DOCK7: variants seen among roughly 807,000 people sequenced by gnomAD.
DOCK7 encodes dedicator of cytokinesis 7.
A neutral mutation model predicts 271.0 loss-of-function variants in DOCK7; 138 were observed. The observed-to-expected ratio is 0.51, with a 90% CI of 0.44 to 0.59. The LOEUF is 0.59. Among genes scored for constraint, DOCK7 ranks in the 20% least tolerant of loss-of-function variants. The pLI is 0.00. For missense variants in DOCK7, 2,066 were observed against 2,592.4 expected (o/e 0.80, Z 4.41); for synonymous variants, 823 against 876.1 (o/e 0.94, Z 1.07).
At chr1:62,526,621 T>A (rs1162340526) in intron 31 of DOCK7, among the ~76,000 whole-genome samples, 1 of 152,060 alleles carries the variant, frequency 6.6e-6, no homozygotes, top group Admixed American at 6.6e-5. Context: ...GACTTGTACA[T>A]AAATGTTCGT....
chr1:62,527,229 G>C lies in DOCK7; in HGVS notation c.3936+922C>G, dbSNP rs146638793. On this transcript the variant is annotated intron_variant, in intron 31 of 49. Coordinates refer to ENST00000635253, the MANE Select transcript of DOCK7 (RefSeq NM_001367561.1). ...CTGCCTTTAAGAGGGGAAAAGTTCA[G>C]GGGCATAGTAAATATCAAGTGTTTT... 9.9e-5 allele frequency among the ~76,000 whole-genome samples: 15 copies of C among 152,126 alleles called. No individual in the cohort carries two copies. In the East Asian group the frequency reaches 2.9e-3, roughly 29 times the overall value.
chr1:62,502,332 A>AAT (rs1365715572), intron 37 of DOCK7, among the ~76,000 whole-genome samples: 16 of 152,198 alleles, frequency 1.1e-4, no homozygotes, highest in African/African-American at 3.9e-4. Context: ...GACTGAGATC[A>AAT]AGCAATTGAT....
intron 18 of DOCK7, among the ~76,000 whole-genome samples, chr1:62,570,811 T>C (rs576717088): frequency 6.6e-6 from 1 of 152,248 alleles, no homozygotes; most frequent in South Asian, 2.1e-4. Context: ...GGGTGAAGGA[T>C]TCCCTATTTA....
Position 62,508,070 on chromosome 1 carries a change from T to A in DOCK7, c.4380-12A>T. On this transcript the variant is annotated splice_polypyrimidine_tract_variant and intron_variant, in intron 34 of 49. Transcript: ENST00000635253. ...TCTCTGCTCTTGATCTAATACAAAATATTGTAAGAAATTATATTTATCTTT... is the reference window on the plus strand; with the variant it reads ...TCTCTGCTCTTGATCTAATACAAAAAATTGTAAGAAATTATATTTATCTTT... The A allele has an allele frequency of 6.3e-7, 1 of 1,582,888 alleles. No individual in the cohort carries two copies. Among genetic ancestry groups the A allele is most frequent in the South Asian group, 1.2e-5 (1 of 84,484 alleles).
intron 37 of DOCK7, among the ~76,000 whole-genome samples, chr1:62,499,225 A>G (rs1266360697): frequency 2.0e-5 from 3 of 152,234 alleles, no homozygotes; most frequent in Non-Finnish European, 2.9e-5. Flanking sequence ...GTCAAATTTT[A>G]GAGACTTTAT....
At chr1:62,636,687 T>C (rs1222793075) in intron 7 of DOCK7, 84 bp from the exon 8 acceptor site, 2 of 1,186,282 alleles carry the variant, frequency 1.7e-6, no homozygotes, top group Non-Finnish European at 2.4e-6. Flanking sequence ...AACTAAATTA[T>C]CACAATACTT....
At chr1:62,643,561 T>C (rs146246823) in intron 7 of DOCK7, among the ~76,000 whole-genome samples, 10 of 152,366 alleles carry the variant, frequency 6.6e-5, no homozygotes, top group Admixed American at 4.6e-4. Flanking sequence ...TTCTTGGTTT[T>C]GTATTCTCCA....
chr1:62,478,741 A>C (rs570807093), intron 43 of DOCK7: 1 of 152,204 alleles, frequency 6.6e-6, no homozygotes, highest in Non-Finnish European at 1.5e-5. Context: ...TAGAAGAGTT[A>C]CTAAAAATGG....
At chr1:62,497,510 T>A (rs1646657788) in intron 37 of DOCK7, among the ~76,000 whole-genome samples, 1 of 152,182 alleles carries the variant, frequency 6.6e-6, no homozygotes, top group Admixed American at 6.5e-5. Flanking sequence ...GCCAAAAATC[T>A]AGGGGTCACC....
chr1:62,500,243 T>A (rs1363791169), intron 37 of DOCK7, among the ~76,000 whole-genome samples: 3 of 152,042 alleles, frequency 2.0e-5, no homozygotes, highest in African/African-American at 7.2e-5. Context: ...TATGAAGACA[T>A]CTTTAGAATA....
rs1557811266 is a variant in DOCK7 at position 62,618,875 on chromosome 1, A to G, written c.1520-7T>C. ...ATGTCTATCTTGAGCTGAGCTGCAA[A>G]TTATATATTAAAAAACAATGTAAAG... On this transcript the variant is annotated splice_region_variant and splice_polypyrimidine_tract_variant and intron_variant, in intron 13 of 49. Transcript: ENST00000635253. 6.2e-7 allele frequency: 1 copy of G among 1,610,442 alleles called. No homozygotes were observed. The highest frequency in any genetic ancestry group is 1.1e-5 in the South Asian group (1 of 90,644).
At position 62,659,128 on chromosome 1, in the gene DOCK7, T is replaced by C. The variant is rs181094017; in HGVS notation, c.144+3897A>G. On this transcript the variant is annotated intron_variant, in intron 2 of 49. Transcript: ENST00000635253. ...ATATAATAAAAGGTATCTGGAAATA[T>C]TAGGAAGGAAAAAGAAACACAGCAC... 1.8e-3 allele frequency among the ~76,000 whole-genome samples: 272 copies of C among 152,188 alleles called. 2 individuals are homozygous for C. Among genetic ancestry groups the C allele is most frequent in the African/African-American group, 6.0e-3 (248 of 41,534 alleles).
intron 14 of DOCK7, among the ~76,000 whole-genome samples, chr1:62,612,900 T>C (rs1571769351): frequency 6.6e-6 from 1 of 152,190 alleles, no homozygotes; most frequent in Non-Finnish European, 1.5e-5. Flanking sequence ...CTAAGGCCAT[T>C]ACTGGAAATG....
Position 62,539,895 on chromosome 1 carries a change from GA to G in DOCK7, c.3046-4del, listed in dbSNP as rs574290909. 3 of 1,558,734 alleles carry G rather than the reference GA, an allele frequency of 1.9e-6. No individual in the cohort carries two copies. The highest frequency in any genetic ancestry group is 2.6e-6 in the Non-Finnish European group (3 of 1,153,958). Reference sequence around the variant, plus strand: ...AAATGGTGCACCATGCTCTTTACCTGAAAAAAAGATATAAATTATTAATTTC... The same window carrying G: ...AAATGGTGCACCATGCTCTTTACCTGAAAAAAGATATAAATTATTAATTTC... On this transcript the variant is annotated splice_region_variant and splice_polypyrimidine_tract_variant and intron_variant, in intron 25 of 49. Transcript: ENST00000635253.
At chr1:62,687,641 C>T (rs1040734896) in intron 1 of DOCK7, 8 of 152,280 alleles carry the variant, frequency 5.3e-5, no homozygotes, top group East Asian at 1.9e-4. Context: ...CCTGGACGCA[C>T]AAGTCCACTT....
At chr1:62,458,291 A>C (rs1288846865) in intron 48 of DOCK7, 1 of 152,220 alleles carries the variant, frequency 6.6e-6, no homozygotes, top group Non-Finnish European at 1.5e-5. Flanking sequence ...TTAGTTTTTC[A>C]GCTGAATGTT....
At chr1:62,479,593 A>G in intron 43 of DOCK7, 1 of 161,202 alleles carries the variant, frequency 6.2e-6, no homozygotes, top group Non-Finnish European at 1.4e-5. Context: ...AAAAGAACCT[A>G]AGAAAATTAC....
chr1:62,630,307 A>T (rs1280422213), intron 11 of DOCK7, among the ~76,000 whole-genome samples: 3 of 152,160 alleles, frequency 2.0e-5, no homozygotes, highest in Non-Finnish European at 4.4e-5. Flanking sequence ...CATAAACTGC[A>T]TGCTTTTTCA....
chr1:62,597,614 C>T (rs1649450548), intron 14 of DOCK7: 3 of 1,612,856 alleles, frequency 1.9e-6, no homozygotes, highest in Admixed American at 1.7e-5. Flanking sequence ...TAGTTATTTC[C>T]TCCAGAATTG....
Sources: allele counts gnomAD v4.1 joint callset (sites outside exome capture counted in the v4.1 genomes callset), GRCh38; gene constraint gnomAD v4.1.1; transcripts MANE v1.5; gene names NCBI Gene and HGNC (gene_info 2026-07-23, HGNC 2026-07-21).